Variants in SNRPA1 observed in about 807,000 individuals in gnomAD.
The protein encoded by SNRPA1 is U2 small nuclear ribonucleoprotein A'.
A neutral mutation model predicts 32.3 loss-of-function variants in SNRPA1; 5 were observed. The ratio of observed to expected loss-of-function variants is 0.15; its 90% CI spans 0.08 to 0.33. The LOEUF (loss-of-function observed/expected upper bound fraction) is 0.33. SNRPA1 is among the 10% of genes least tolerant of loss of function. The pLI, the probability that SNRPA1 is intolerant of heterozygous loss-of-function variation, is 1.00. For synonymous variants in SNRPA1, 111 were observed against 120.1 expected (o/e 0.92, Z 0.50); for missense variants, 198 against 311.1 (o/e 0.64, Z 2.74).
intron 2 of SNRPA1, 41 bp from the exon 3 acceptor site, chr15:101,292,081 T>C: frequency 7.3e-7 from 1 of 1,370,286 alleles, no homozygotes; most frequent in African/African-American, 1.4e-5. Flanking sequence ...GAAAATTAAA[T>C]AAGCTAACAA....
At chr15:101,286,180 T>C (rs767407358) in intron 6 of SNRPA1, 34 bp downstream of exon 6, 1 of 1,556,926 alleles carries the variant, frequency 6.4e-7, no homozygotes, top group Non-Finnish European at 8.9e-7. Flanking sequence ...TTTCTGAAGG[T>C]GAAGTAGAGT....
At chr15:101,287,859 A>G (rs1271997317) in intron 3 of SNRPA1, 157 bp from the exon 4 acceptor site, 5 of 641,574 alleles carry the variant, frequency 7.8e-6, no homozygotes, top group Non-Finnish European at 1.4e-5. Context: ...AAATGTTTAA[A>G]TAATTTCTAC....
At chr15:101,286,385 A>T in intron 5 of SNRPA1, 92 bp from the exon 6 acceptor site, 1 of 1,125,964 alleles carries the variant, frequency 8.9e-7, no homozygotes, top group Non-Finnish European at 1.3e-6. Context: ...GAACTCTCCT[A>T]CAGTACTCCG....
At position 101,291,662 on chromosome 15, in the gene SNRPA1, C is replaced by T. The variant is rs117729784; in HGVS notation, c.309+300G>A. ...TAGAAAACAACATAGGAGTTTATAA[C>T]CCTGGAATAGGGGAAATTTAAACAT... On this transcript the variant is annotated intron_variant, in intron 3 of 8. Transcript: ENST00000254193. Among the ~76,000 whole-genome samples, 650 of 151,986 alleles carry T rather than the reference C, an allele frequency of 4.3e-3. 3 individuals carry two copies. Among genetic ancestry groups the T allele is most frequent in the Middle Eastern group, 6.8e-3 (2 of 294 alleles).
intron 8 of SNRPA1, chr15:101,284,748 C>T: frequency 5.2e-6 from 2 of 385,402 alleles, no homozygotes; most frequent in East Asian, 1.1e-4. Context: ...GTGATCCGCC[C>T]GCCTCAGGCT....
intron 3 of SNRPA1, among the ~76,000 whole-genome samples, chr15:101,291,106 C>G (rs2039521688): frequency 6.6e-6 from 1 of 152,180 alleles, no homozygotes; most frequent in African/African-American, 2.4e-5. Context: ...GTCTAGAACT[C>G]CTGGGCTCAA....
intron 3 of SNRPA1, among the ~76,000 whole-genome samples, chr15:101,291,519 C>CT (rs61273059): frequency 0.11 from 16,130 of 145,714 alleles, 1,919 homozygotes; most frequent in African/African-American, 0.3. Context: ...AGATAGTTTA[C>CT]TTTTTTTTTT....
chr15:101,290,024 G>T (rs1001513851), intron 3 of SNRPA1: 1 of 150,806 alleles, frequency 6.6e-6, no homozygotes, highest in Non-Finnish European at 1.5e-5. Context: ...GATGGAAAAC[G>T]ATTTATCATG....
chr15:101,286,035 C>G, intron 6 of SNRPA1, 179 bp downstream of exon 6: 2 of 649,060 alleles, frequency 3.1e-6, no homozygotes, highest in South Asian at 3.9e-5. Flanking sequence ...CTCTGCTAAG[C>G]TGGTAGAAAT....
intron 4 of SNRPA1, 26 bp from the exon 5 acceptor site, chr15:101,287,036 G>A: frequency 7.7e-7 from 1 of 1,299,536 alleles, no homozygotes; most frequent in Admixed American, 1.7e-5. Context: ...TGACACAATG[G>A]CAAACTTGTT....
At position 101,284,837 on chromosome 15, in the gene SNRPA1, G is replaced by T. The variant is rs1168761231; in HGVS notation, c.709+130C>A. On this transcript the variant is annotated intron_variant, in intron 8 of 8. Transcript: ENST00000254193. ...TTTATCTTCAAAGAGCATTTAAAGA[G>T]ATTTCATATATTAGATTTGATGTAA... The T allele has an allele frequency of 1.4e-5, 10 of 737,228 alleles. No homozygotes were observed. The Admixed American group carries it at 1.6e-4, about 12-fold the overall frequency. The allele number at this position is 737,228 out of a possible 1,614,324, so 45.7% of individuals were successfully genotyped here.
chr15:101,290,521 C>T (rs2039511294), intron 3 of SNRPA1, among the ~76,000 whole-genome samples: 1 of 151,628 alleles, frequency 6.6e-6, no homozygotes, highest in African/African-American at 2.4e-5. Context: ...AGTTCATTCT[C>T]AACAATCAGG....
chr15:101,292,953 C>G, intron 2 of SNRPA1, 72 bp downstream of exon 2: 1 of 1,037,958 alleles, frequency 9.6e-7, no homozygotes, highest in Non-Finnish European at 1.4e-6. Context: ...GTAGCACGTG[C>G]TACAACTTCT....
chr15:101,283,336 CAGG>C (rs1052721519), intron 8 of SNRPA1, among the ~76,000 whole-genome samples: 1 of 151,168 alleles, frequency 6.6e-6, no homozygotes, highest in Non-Finnish European at 1.5e-5. Context: ...ATCATGAGGT[CAGG>C]AGATCGAGAC....
rs371225844 is a variant in SNRPA1, at chr15:101,281,710, A to G, written c.*14T>C. The G allele has an allele frequency of 2.6e-4, 412 of 1,595,736 alleles. No homozygotes were observed. The highest frequency in any genetic ancestry group is 3.3e-4 in the Non-Finnish European group (381 of 1,163,100). ...GTTCCAAGAGGGCCTATTATTATACATCTGCCTCACTGCTCAGGACCCGTT... is the reference window on the plus strand; with the variant it reads ...GTTCCAAGAGGGCCTATTATTATACGTCTGCCTCACTGCTCAGGACCCGTT... On this transcript the variant is annotated 3_prime_UTR_variant, in exon 9 of 9. Coordinates refer to ENST00000254193, the MANE Select transcript of SNRPA1 (RefSeq NM_003090.4).
intron 8 of SNRPA1, among the ~76,000 whole-genome samples, chr15:101,282,815 G>A (rs1012450247): frequency 1.1e-4 from 16 of 152,218 alleles, no homozygotes; most frequent in African/African-American, 3.6e-4. Flanking sequence ...GCAGGTTACG[G>A]CAGTGGATAC....
chr15:101,282,997 C>G (rs1157880015), intron 8 of SNRPA1, among the ~76,000 whole-genome samples: 1 of 150,862 alleles, frequency 6.6e-6, no homozygotes, highest in East Asian at 1.9e-4. Flanking sequence ...ACATGTGCAC[C>G]CCCTTTCTGT....
chr15:101,284,138 G>A (rs150396107), intron 8 of SNRPA1, among the ~76,000 whole-genome samples: 205 of 152,338 alleles, frequency 1.3e-3, no homozygotes, highest in Non-Finnish European at 2.3e-3. Flanking sequence ...GCATTCAGAT[G>A]TCAGAACAGT....
intron 7 of SNRPA1, among the ~76,000 whole-genome samples, chr15:101,285,361 G>A (rs1420126312): frequency 6.6e-6 from 1 of 152,140 alleles, no homozygotes; most frequent in African/African-American, 2.4e-5. Context: ...AATTTAAGGA[G>A]GCAATATTAT....
Sources: allele counts gnomAD v4.1 joint callset (sites outside exome capture counted in the v4.1 genomes callset), GRCh38; gene constraint gnomAD v4.1.1; transcripts MANE v1.5; gene names NCBI Gene and HGNC (gene_info 2026-07-23, HGNC 2026-07-21).